L3MBTL4: variants seen among roughly 807,000 people sequenced by gnomAD.
L3MBTL4 encodes L3MBTL histone methyl-lysine binding protein 4.
Under a neutral mutation model 84.5 loss-of-function variants are expected in L3MBTL4, and 70 were observed. That is an observed-to-expected ratio of 0.83 (90% CI 0.68 to 1.01). L3MBTL4 has a LOEUF of 1.01. Ranked by LOEUF, L3MBTL4 falls within the 50% of genes least tolerant of loss-of-function variation. L3MBTL4 has a pLI of 0.00. For synonymous variants in L3MBTL4, 274 were observed against 259.8 expected (o/e 1.05, Z -0.52); for missense variants, 715 against 754.8 (o/e 0.95, Z 0.62).
At chr18:6,362,916 A>G (rs2053771212) in intron 1 of L3MBTL4, among the ~76,000 whole-genome samples, 1 of 152,248 alleles carries the variant, frequency 6.6e-6, no homozygotes, top group South Asian at 2.1e-4. Context: ...GCGCATGCGC[A>G]CTGCCTTTCA....
chr18:6,009,867 C>T (rs910390479), intron 16 of L3MBTL4, among the ~76,000 whole-genome samples: 1 of 152,020 alleles, frequency 6.6e-6, no homozygotes, highest in Non-Finnish European at 1.5e-5. Flanking sequence ...TTAAATCAAT[C>T]TAATTTGGTT....
At chr18:6,328,810 T>C (rs2051862236) in intron 1 of L3MBTL4, among the ~76,000 whole-genome samples, 1 of 152,194 alleles carries the variant, frequency 6.6e-6, no homozygotes, top group African/African-American at 2.4e-5. Flanking sequence ...TAGCTCTGAC[T>C]CTCCAGCTTA....
At chr18:6,319,895 C>A (rs1272029816) in intron 1 of L3MBTL4, among the ~76,000 whole-genome samples, 2 of 152,074 alleles carry the variant, frequency 1.3e-5, no homozygotes, top group South Asian at 4.2e-4. Flanking sequence ...AAATCCTCAA[C>A]AAAATGCTAG....
chr18:6,083,345 G>C (rs970263874), intron 15 of L3MBTL4, among the ~76,000 whole-genome samples: 1 of 152,138 alleles, frequency 6.6e-6, no homozygotes, highest in Admixed American at 6.5e-5. Flanking sequence ...GTGTTTTGAG[G>C]ACCTGAATAA....
At chr18:6,166,395 A>G (rs1037636504) in intron 13 of L3MBTL4, among the ~76,000 whole-genome samples, 12 of 152,132 alleles carry the variant, frequency 7.9e-5, no homozygotes, top group African/African-American at 2.9e-4. Flanking sequence ...GCACCACATC[A>G]CACCTATTCC....
chr18:6,072,180 A>G (rs1218477135), intron 16 of L3MBTL4, among the ~76,000 whole-genome samples: 3 of 152,194 alleles, frequency 2.0e-5, no homozygotes, highest in Admixed American at 6.5e-5. Flanking sequence ...ATAAAAGGAA[A>G]ACCAGGTAAT....
chr18:6,384,798 G>C (rs73938407), intron 1 of L3MBTL4, among the ~76,000 whole-genome samples: 2 of 152,162 alleles, frequency 1.3e-5, no homozygotes, highest in African/African-American at 4.8e-5. Context: ...GGGGAAGCCA[G>C]CTGCCATGTT....
chr18:6,165,490 A>T (rs2043601062), intron 13 of L3MBTL4, among the ~76,000 whole-genome samples: 1 of 152,242 alleles, frequency 6.6e-6, no homozygotes, highest in Non-Finnish European at 1.5e-5. Context: ...CTCTCGGCAG[A>T]AATTCTACAA....
intron 16 of L3MBTL4, among the ~76,000 whole-genome samples, chr18:5,987,408 G>A (rs2053510299): frequency 6.6e-6 from 1 of 152,254 alleles, no homozygotes; most frequent in Non-Finnish European, 1.5e-5. Context: ...GCCCAGCAGT[G>A]TGGGAATGTA....
chr18:6,041,891 A>AC lies in L3MBTL4; in HGVS notation c.1444+38989_1444+38990insG, dbSNP rs147398878. On this transcript the variant is annotated intron_variant, in intron 16 of 18. Coordinates refer to ENST00000317931, the MANE Select transcript of L3MBTL4 (RefSeq NM_001330559.2). ...AGGTGTGTGCCACCATGCCTGGCTAATTTTTTTTTTGGTATGGATGGGGGT... is the reference window on the plus strand; with the variant it reads ...AGGTGTGTGCCACCATGCCTGGCTAACTTTTTTTTTTGGTATGGATGGGGGT... Among the ~76,000 whole-genome samples the AC allele has an allele frequency of 3.2e-3, 473 of 149,280 alleles. 2 individuals are homozygous for AC. The highest frequency in any genetic ancestry group is 0.011 in the African/African-American group (452 of 40,754).
chr18:5,982,273 C>T (rs544500879), intron 16 of L3MBTL4, among the ~76,000 whole-genome samples: 3 of 152,142 alleles, frequency 2.0e-5, no homozygotes, highest in Non-Finnish European at 4.4e-5. Context: ...CTCCTGCCAC[C>T]CCACCCTTTT....
intron 18 of L3MBTL4, among the ~76,000 whole-genome samples, chr18:5,958,569 T>C (rs1412664917): frequency 6.6e-6 from 1 of 152,194 alleles, no homozygotes; most frequent in Non-Finnish European, 1.5e-5. Context: ...AACCCTGTAA[T>C]ATAGGTGAGG....
At chr18:6,204,702 C>T (rs1410154919) in intron 12 of L3MBTL4, among the ~76,000 whole-genome samples, 1 of 152,204 alleles carries the variant, frequency 6.6e-6, no homozygotes. Flanking sequence ...AAGCCATCTG[C>T]CCCTCAGCAT....
chr18:6,376,357 T>C (rs547251444), intron 1 of L3MBTL4, among the ~76,000 whole-genome samples: 24 of 152,230 alleles, frequency 1.6e-4, no homozygotes, highest in Non-Finnish European at 3.2e-4. Context: ...CTGTTTTAGT[T>C]TAATCACTAA....
At chr18:6,369,558 A>G (rs544767591) in intron 1 of L3MBTL4, among the ~76,000 whole-genome samples, 1 of 152,328 alleles carries the variant, frequency 6.6e-6, no homozygotes, top group East Asian at 1.9e-4. Context: ...GCTTAGAAAC[A>G]GAAAAGAGCT....
In L3MBTL4 at chr18:6,407,816, A is replaced by G. The variant is rs1386619292; in HGVS notation, c.-91+6985T>C. ...TGGCAACAAGCCCTTACTCCACCCA[A>G]CAAGTTTTCTGGAGAACATAGAAAA... On this transcript the variant is annotated intron_variant, in intron 1 of 18. Transcript: ENST00000317931. Among the ~76,000 whole-genome samples, 4 of 152,208 alleles carry G rather than the reference A, an allele frequency of 2.6e-5. No homozygotes were observed. The East Asian group carries it at 7.7e-4, about 29-fold the overall frequency.
At chr18:6,213,065 G>T in intron 12 of L3MBTL4, 84 bp downstream of exon 12, 1 of 713,522 alleles carries the variant, frequency 1.4e-6, no homozygotes, top group Non-Finnish European at 2.2e-6. Context: ...AAACGAGAAA[G>T]GTTCAGAGAA....
chr18:6,276,044 C>T (rs2049064806), intron 4 of L3MBTL4, among the ~76,000 whole-genome samples: 1 of 152,210 alleles, frequency 6.6e-6, no homozygotes, highest in African/African-American at 2.4e-5. Flanking sequence ...CATCCCTCTG[C>T]TCACTGAGAT....
intron 1 of L3MBTL4, among the ~76,000 whole-genome samples, chr18:6,398,832 C>T (rs1453091764): frequency 6.6e-6 from 1 of 152,020 alleles, no homozygotes; most frequent in Non-Finnish European, 1.5e-5. Flanking sequence ...GACATGCGCC[C>T]CAGGCACCAT....
Sources: gnomAD v4.1 joint callset for allele counts (sites outside exome capture counted in the v4.1 genomes callset) on GRCh38, gnomAD v4.1.1 for gene constraint, MANE v1.5 for transcripts, NCBI Gene and HGNC (gene_info 2026-07-23, HGNC 2026-07-21) for gene names.